The following MBNL2 variants were observed in gnomAD, a reference collection of about 807,000 sequenced individuals.
MBNL2 encodes the protein muscleblind-like protein 2.
A neutral mutation model predicts 41.9 loss-of-function variants in MBNL2; 17 were observed. The observed-to-expected ratio is 0.41, with a 90% CI of 0.28 to 0.61. The LOEUF (loss-of-function observed/expected upper bound fraction) is 0.61, where lower values mean the gene tolerates loss of function less well. Ranked by LOEUF, MBNL2 falls within the 20% of genes least tolerant of loss-of-function variation. The pLI is 0.35. For synonymous variants in MBNL2, 195 were observed against 182.9 expected (o/e 1.07, Z -0.53); for missense variants, 336 against 505.6 (o/e 0.66, Z 3.22).
chr13:97,209,327 C>T, the MBNL2 span, among the ~76,000 whole-genome samples: 2 of 152,106 alleles, frequency 1.3e-5, no homozygotes, highest in African/African-American at 2.4e-5. Context: ...TGAGTATTTG[C>T]CCCACTAAGA....
chr13:97,217,198 T>C (rs1031270478), upstream of MBNL2, among the ~76,000 whole-genome samples: 3 of 151,588 alleles, frequency 2.0e-5, no homozygotes, highest in Admixed American at 2.0e-4. Context: ...TCTCTACCAA[T>C]TTTTTTACTT....
chr13:97,337,252 G>A (rs1367532312), intron 3 of MBNL2, among the ~76,000 whole-genome samples: 6 of 152,112 alleles, frequency 3.9e-5, no homozygotes, highest in East Asian at 1.9e-4. Context: ...TCAAATCTGC[G>A]GGCACCTTGA....
At chr13:97,316,501 T>C (rs1225609624) in intron 2 of MBNL2, among the ~76,000 whole-genome samples, 1 of 152,208 alleles carries the variant, frequency 6.6e-6, no homozygotes, top group Non-Finnish European at 1.5e-5. Flanking sequence ...CAAACCATGG[T>C]TGTTTCTCAG....
the MBNL2 span, among the ~76,000 whole-genome samples, chr13:97,175,002 G>A: frequency 6.6e-6 from 1 of 152,172 alleles, no homozygotes; most frequent in East Asian, 1.9e-4. Context: ...TGGCAGCTGT[G>A]GAGGTGTGCC....
chr13:97,166,649 T>A, the MBNL2 span, among the ~76,000 whole-genome samples: 3 of 152,122 alleles, frequency 2.0e-5, no homozygotes, highest in African/African-American at 4.8e-5. Context: ...TGCTGGATGC[T>A]TCCTGCCCTG....
intron 2 of MBNL2, among the ~76,000 whole-genome samples, chr13:97,331,050 C>T (rs1259679650): frequency 6.6e-5 from 10 of 152,158 alleles, no homozygotes; most frequent in Non-Finnish European, 1.3e-4. Context: ...TAGCTTTTAA[C>T]ATGTTTGGTG....
intron 8 of MBNL2, among the ~76,000 whole-genome samples, chr13:97,370,202 A>G (rs2064229930): frequency 6.6e-6 from 1 of 151,256 alleles, no homozygotes; most frequent in Non-Finnish European, 1.5e-5. Context: ...CCAAAGTCAG[A>G]CAGCTTCTAA....
intron 1 of MBNL2, among the ~76,000 whole-genome samples, chr13:97,238,708 C>A (rs556104428): frequency 6.6e-6 from 1 of 152,104 alleles, no homozygotes; most frequent in East Asian, 1.9e-4. Context: ...GGTAGCACAG[C>A]CAAAGGGGAG....
At chr13:97,273,411 G>C (rs115785868) in intron 1 of MBNL2, among the ~76,000 whole-genome samples, 5 of 152,102 alleles carry the variant, frequency 3.3e-5, no homozygotes, top group Admixed American at 1.3e-4. Flanking sequence ...ATTAAATTTG[G>C]TTATTAAACT....
At chr13:97,363,957 C>CT (rs1168250760) in intron 7 of MBNL2, among the ~76,000 whole-genome samples, 2 of 152,156 alleles carry the variant, frequency 1.3e-5, no homozygotes, top group Non-Finnish European at 2.9e-5. Context: ...TTCTGAAACT[C>CT]TAAGAGGGCA....
the MBNL2 span, among the ~76,000 whole-genome samples, chr13:97,179,998 A>T: frequency 1.3e-5 from 2 of 152,230 alleles, no homozygotes; most frequent in African/African-American, 4.8e-5. Flanking sequence ...AGATTTTCAT[A>T]AAAAAATGAG....
chr13:97,392,242 G>A lies in MBNL2; in HGVS notation c.*793G>A, dbSNP rs1209457285. On this transcript the variant is annotated 3_prime_UTR_variant, in exon 9 of 9. Transcript: ENST00000679496. The stretch of plus-strand genomic sequence containing the variant: ...TTTCAAACTCACCATCCAGTTGCCT[G>A]TTACAGAATAACTCTTCTTAACTAA... 1 of 152,544 alleles carries A rather than the reference G, an allele frequency of 6.6e-6. No homozygotes were observed. The highest frequency in any genetic ancestry group is 1.5e-5 in the Non-Finnish European group (1 of 68,004). The allele number at this position is 152,544 out of a possible 1,614,324, so 9.4% of individuals were successfully genotyped here. A position where few individuals can be genotyped will look rare whatever the true frequency, so the allele number is the denominator to read the frequency against.
the MBNL2 span, among the ~76,000 whole-genome samples, chr13:97,186,781 T>C: frequency 1.3e-5 from 2 of 152,158 alleles, no homozygotes; most frequent in Non-Finnish European, 2.9e-5. Flanking sequence ...ACTCTGATGA[T>C]AAAACTTCAA....
chr13:97,336,085 G>A (rs114155636), intron 3 of MBNL2, among the ~76,000 whole-genome samples: 322 of 152,242 alleles, frequency 2.1e-3, no homozygotes, highest in African/African-American at 7.2e-3. Flanking sequence ...ACTGGTGGCC[G>A]TGTTAACGAG....
intron 5 of MBNL2, among the ~76,000 whole-genome samples, chr13:97,356,235 A>G (rs1396961428): frequency 6.7e-6 from 1 of 149,740 alleles, no homozygotes; most frequent in African/African-American, 2.4e-5. Flanking sequence ...TTGTGTTTGA[A>G]TATTTTTTTG....
At chr13:97,142,971 G>A in the MBNL2 span, among the ~76,000 whole-genome samples, 1 of 152,094 alleles carries the variant, frequency 6.6e-6, no homozygotes, top group Non-Finnish European at 1.5e-5. Context: ...AAGAAGCACC[G>A]GATCAGATCC....
chr13:97,311,217 G>A (rs2058582527), intron 2 of MBNL2, among the ~76,000 whole-genome samples: 1 of 152,162 alleles, frequency 6.6e-6, no homozygotes, highest in Non-Finnish European at 1.5e-5. Flanking sequence ...TAATTGTGGT[G>A]CACTCATTCA....
chr13:97,390,216 C>T (rs183609188), intron 8 of MBNL2, among the ~76,000 whole-genome samples: 38 of 152,234 alleles, frequency 2.5e-4, no homozygotes, highest in Non-Finnish European at 4.9e-4. Context: ...AAAGAATACT[C>T]ATGTTTATTT....
chr13:97,390,963 C>T (rs749144094), intron 8 of MBNL2, among the ~76,000 whole-genome samples: 5 of 152,046 alleles, frequency 3.3e-5, no homozygotes, highest in Admixed American at 6.6e-5. Context: ...TTCTGATCAC[C>T]GTAGCAAATA....
Sources: gnomAD v4.1 joint callset for allele counts (sites outside exome capture counted in the v4.1 genomes callset) on GRCh38, gnomAD v4.1.1 for gene constraint, MANE v1.5 for transcripts, NCBI Gene and HGNC (gene_info 2026-07-23, HGNC 2026-07-21) for gene names.